RYR2: variants seen among roughly 807,000 people sequenced by gnomAD.
RYR2 encodes ryanodine receptor 2, also known as cardiac muscle ryanodine receptor-calcium release channel.
A neutral mutation model predicts 601.1 loss-of-function variants in RYR2; 227 were observed. The ratio of observed to expected loss-of-function variants is 0.38; its 90% CI spans 0.34 to 0.42. The LOEUF is 0.42. RYR2 is among the 10% of genes least tolerant of loss of function. RYR2 has a pLI of 1.00. For synonymous variants in RYR2, 2,223 were observed against 2,175.1 expected (o/e 1.02, Z -0.61); for missense variants, 4,646 against 6,156.5 (o/e 0.75, Z 8.21).
chr1:237,674,994 T>C, intron 60 of RYR2, 148 bp downstream of exon 60: 4 of 421,910 alleles, frequency 9.5e-6, no homozygotes, highest in Non-Finnish European at 1.7e-5. Flanking sequence ...AGTTCAACGG[T>C]CAATGGATGA....
At chr1:237,536,754 C>A (rs2805448) in intron 25 of RYR2, among the ~76,000 whole-genome samples, 1 of 133,600 alleles carries the variant, frequency 7.5e-6, no homozygotes, top group Non-Finnish European at 1.6e-5. Context: ...GGCATGGTGG[C>A]AGGCGCCTGT....
At chr1:237,112,527 G>A (rs983293783) in intron 1 of RYR2, among the ~76,000 whole-genome samples, 1 of 150,564 alleles carries the variant, frequency 6.6e-6, no homozygotes, top group African/African-American at 2.4e-5. Context: ...CCTTTAGGCA[G>A]GGAGGAGAAC....
chr1:237,478,307 T>A (rs557157851), intron 17 of RYR2, among the ~76,000 whole-genome samples: 1 of 152,216 alleles, frequency 6.6e-6, no homozygotes, highest in Non-Finnish European at 1.5e-5. Context: ...AATAGCTGTA[T>A]GACCTTGACC....
chr1:237,818,673 C>A (rs775427633), intron 100 of RYR2, among the ~76,000 whole-genome samples: 8 of 151,272 alleles, frequency 5.3e-5, no homozygotes, highest in Admixed American at 1.3e-4. Flanking sequence ...CCAAAATAAC[C>A]AAACAATACA....
chr1:237,161,475 T>C (rs1028011374), intron 1 of RYR2, among the ~76,000 whole-genome samples: 3 of 152,150 alleles, frequency 2.0e-5, no homozygotes, highest in African/African-American at 7.2e-5. Flanking sequence ...CTCAGGAGTT[T>C]TAATAAAAAA....
intron 3 of RYR2, among the ~76,000 whole-genome samples, chr1:237,345,045 G>A (rs749073509): frequency 1.3e-5 from 2 of 152,032 alleles, no homozygotes; most frequent in African/African-American, 2.4e-5. Flanking sequence ...TCCCGACCTC[G>A]TGATCCGCCC....
intron 63 of RYR2, among the ~76,000 whole-genome samples, chr1:237,697,055 C>A (rs938054572): frequency 6.6e-5 from 10 of 151,974 alleles, no homozygotes; most frequent in African/African-American, 2.4e-4. Flanking sequence ...GCTCTAGAAC[C>A]TGACCTCTCC....
At chr1:237,262,254 T>TTG (rs1398253224) in intron 1 of RYR2, among the ~76,000 whole-genome samples, 1 of 133,746 alleles carries the variant, frequency 7.5e-6, no homozygotes, top group Non-Finnish European at 1.6e-5. Context: ...AGTTTTTTTT[T>TTG]TTTTTTTTTT....
rs1055052785 is a variant in RYR2 at position 237,543,213 on chromosome 1, C to G, written c.2907-5218C>G. On this transcript the variant is annotated intron_variant, in intron 25 of 104. Transcript: ENST00000366574. ...GCCTCCTTCTTGAGAGCAGTGGATACTTCATGGTCTTGTTTCAAAGGGGCT... is the reference window on the plus strand; with the variant it reads ...GCCTCCTTCTTGAGAGCAGTGGATAGTTCATGGTCTTGTTTCAAAGGGGCT... 2.6e-5 allele frequency among the ~76,000 whole-genome samples: 4 copies of G among 152,194 alleles called. No individual in the cohort carries two copies. The South Asian group carries it at 6.2e-4, about 24-fold the overall frequency.
Position 237,380,359 on chromosome 1 carries a change from A to AATAT in RYR2, c.576+2984_576+2987dup, listed in dbSNP as rs57204036. Among the ~76,000 whole-genome samples, 193 of 29,010 alleles carry AATAT rather than the reference A, an allele frequency of 6.7e-3. 4 individuals carry two copies. The highest frequency in any genetic ancestry group is 9.5e-3 in the Non-Finnish European group (132 of 13,912). 19.0% of individuals were successfully genotyped at this position (29,010 alleles called of 152,430 possible). On this transcript the variant is annotated intron_variant, in intron 8 of 104. Transcript: ENST00000366574. ...GCACACTTGCCTTGTAGAATACACA[A>AATAT]ATATATATATATATATATATATATA...
At chr1:237,624,225 A>G (rs1019261485) in intron 39 of RYR2, among the ~76,000 whole-genome samples, 16 of 152,220 alleles carry the variant, frequency 1.1e-4, no homozygotes, top group Non-Finnish European at 2.4e-4. Context: ...AGTTTCGGTT[A>G]TACAAGATGA....
chr1:237,419,064 T>C (rs945010184), intron 11 of RYR2, among the ~76,000 whole-genome samples: 1 of 152,040 alleles, frequency 6.6e-6, no homozygotes, highest in Non-Finnish European at 1.5e-5. Flanking sequence ...TTGTGTATTA[T>C]AAAAATGAAA....
chr1:237,603,459 C>T (rs1445224232), intron 35 of RYR2, among the ~76,000 whole-genome samples: 1 of 152,174 alleles, frequency 6.6e-6, no homozygotes, highest in African/African-American at 2.4e-5. Flanking sequence ...CGCCAAGTGC[C>T]CGGCCACATG....
intron 2 of RYR2, among the ~76,000 whole-genome samples, chr1:237,297,135 A>C (rs532886367): frequency 6.6e-6 from 1 of 152,350 alleles, no homozygotes; most frequent in African/African-American, 2.4e-5. Flanking sequence ...GCAAACGATA[A>C]AAGTACATAT....
intron 2 of RYR2, among the ~76,000 whole-genome samples, chr1:237,288,133 G>T (rs1191707970): frequency 1.3e-5 from 2 of 152,168 alleles, no homozygotes; most frequent in Non-Finnish European, 2.9e-5. Flanking sequence ...TGGTACTGGG[G>T]GTTGTCTGCA....
chr1:237,733,444 C>G (rs756339497), intron 78 of RYR2, among the ~76,000 whole-genome samples: 2 of 152,012 alleles, frequency 1.3e-5, no homozygotes, highest in Non-Finnish European at 2.9e-5. Flanking sequence ...GTGTGTAAAC[C>G]AAAAGACAGT....
At chr1:237,789,476 A>C (rs1346866012) in intron 92 of RYR2, among the ~76,000 whole-genome samples, 1 of 105,414 alleles carries the variant, frequency 9.5e-6, no homozygotes, top group Non-Finnish European at 2.2e-5. Context: ...ACTCTGAATA[A>C]TTCCTAATTT....
chr1:237,775,243 C>G (rs757612097), intron 87 of RYR2, among the ~76,000 whole-genome samples: 14 of 152,126 alleles, frequency 9.2e-5, no homozygotes, highest in Non-Finnish European at 2.1e-4. Context: ...ATGATTCACC[C>G]AGCTTTCCCC....
intron 10 of RYR2, among the ~76,000 whole-genome samples, chr1:237,413,271 A>G (rs531743028): frequency 6.6e-6 from 1 of 152,320 alleles, no homozygotes; most frequent in South Asian, 2.1e-4. Context: ...AAAAATATGA[A>G]GAGGAACAAT....
Sources: gnomAD v4.1 joint callset for allele counts (sites outside exome capture counted in the v4.1 genomes callset) on GRCh38, gnomAD v4.1.1 for gene constraint, MANE v1.5 for transcripts, NCBI Gene and HGNC (gene_info 2026-07-23, HGNC 2026-07-21) for gene names.